Variants in FAM20A observed in about 807,000 individuals in gnomAD.
FAM20A encodes the protein FAM20A golgi associated secretory pathway pseudokinase.
FAM20A carries 42 observed loss-of-function variants against 52.0 expected under a neutral mutation model. That is an observed-to-expected ratio of 0.81 (90% CI 0.63 to 1.04). The LOEUF is 1.04. FAM20A is among the 50% of genes least tolerant of loss of function. The probability of loss-of-function intolerance (pLI) is 0.00; values close to 1 mark genes in which losing one functional copy is unlikely to be tolerated. For synonymous variants in FAM20A, 304 were observed against 298.9 expected, an observed-to-expected ratio of 1.02 and a Z score of -0.18; for missense variants, 742 against 712.7, an observed-to-expected ratio of 1.04 and a Z score of -0.47.
intron 4 of FAM20A, among the ~76,000 whole-genome samples, chr17:68,545,613 T>A (rs1226278905): frequency 3.3e-5 from 5 of 152,178 alleles, no homozygotes; most frequent in Admixed American, 1.3e-4. Flanking sequence ...TGGCAACTTT[T>A]AAAAATAAGA....
chr17:68,575,350 C>G (rs2087696549), intron 1 of FAM20A, among the ~76,000 whole-genome samples: 1 of 145,050 alleles, frequency 6.9e-6, no homozygotes, highest in Admixed American at 7.3e-5. Flanking sequence ...AGTTCAAGAC[C>G]AACCTGGCCA....
chr17:68,548,723 A>ATTT lies in FAM20A; in HGVS notation c.719+3149_719+3150insAAA, dbSNP rs200833117. Among the ~76,000 whole-genome samples the ATTT allele has an allele frequency of 8.6e-3, 1,013 of 117,742 alleles. 41 individuals carry two copies. Among genetic ancestry groups the ATTT allele is most frequent in the Non-Finnish European group, 0.012 (681 of 59,156 alleles). 77.2% of individuals were successfully genotyped at this position (117,742 alleles called of 152,430 possible). ...CGCAGATACAGCGAGCTATGCCTGT[A>ATTT]TATTTTTTTTTTTTTTTTTTTTTTT... On this transcript the variant is annotated intron_variant, in intron 4 of 10. Coordinates refer to ENST00000592554, the MANE Select transcript of FAM20A (RefSeq NM_017565.4).
At chr17:68,585,498 T>G (rs1388421632) in intron 1 of FAM20A, among the ~76,000 whole-genome samples, 4 of 152,158 alleles carry the variant, frequency 2.6e-5, no homozygotes, top group Non-Finnish European at 5.9e-5. Context: ...TAAATTATAC[T>G]TTAAGTTCTA....
intron 4 of FAM20A, among the ~76,000 whole-genome samples, chr17:68,546,568 C>A (rs554504956): frequency 1.3e-5 from 2 of 151,978 alleles, no homozygotes; most frequent in Non-Finnish European, 1.5e-5. Flanking sequence ...TGGTGGCTCG[C>A]GCCTATAATC....
At chr17:68,594,259 C>T (rs1598085420) in intron 1 of FAM20A, among the ~76,000 whole-genome samples, 1 of 152,044 alleles carries the variant, frequency 6.6e-6, no homozygotes, top group Non-Finnish European at 1.5e-5. Flanking sequence ...GTTAGCTGGG[C>T]GTAGTGGCGG....
rs1293202971 is a variant in FAM20A at position 68,558,656 on chromosome 17, A to G, written c.405-2913T>C. ...GCAGCATGCTTCCTGTACAGCCTGC[A>G]GAACCATGAGCCAATTACATCTTTT... On this transcript the variant is annotated intron_variant, in intron 1 of 10. Transcript: ENST00000592554. Among the ~76,000 whole-genome samples, 13 of 152,228 alleles carry G rather than the reference A, an allele frequency of 8.5e-5. 1 individual carries two copies. The highest frequency in any genetic ancestry group is 6.5e-5 in the Admixed American group (1 of 15,284).
chr17:68,541,141 G>T, intron 7 of FAM20A, 183 bp from the exon 8 acceptor site: 1 of 801,954 alleles, frequency 1.2e-6, no homozygotes, highest in South Asian at 1.8e-5. Context: ...TCCGTGTGGT[G>T]AGAAGGTCCT....
intron 1 of FAM20A, chr17:68,575,043 T>TA (rs2087687447): frequency 6.6e-6 from 1 of 151,976 alleles, no homozygotes; most frequent in Non-Finnish European, 1.5e-5. Flanking sequence ...GTACAACTAT[T>TA]ATGTATCAAT....
intron 5 of FAM20A, among the ~76,000 whole-genome samples, chr17:68,543,061 C>A (rs894448971): frequency 1.3e-5 from 2 of 152,176 alleles, no homozygotes; most frequent in African/African-American, 2.4e-5. Flanking sequence ...AACCTTCCCA[C>A]CATCCCAACT....
intron 1 of FAM20A, among the ~76,000 whole-genome samples, chr17:68,575,527 T>G (rs1272704859): frequency 2.8e-5 from 2 of 70,794 alleles, no homozygotes; most frequent in African/African-American, 1.4e-4. Context: ...ATATATTATA[T>G]AATATATATT....
Position 68,536,225 on chromosome 17 carries a change from A to C in FAM20A, c.*1252T>G. On this transcript the variant is annotated 3_prime_UTR_variant, in exon 11 of 11. Coordinates refer to ENST00000592554, the MANE Select transcript of FAM20A (RefSeq NM_017565.4). ...TCTTGACCTTGTACTCTCTTTAGTG[A>C]CAGCTCCATTCTATTCTCATGCTTA... 1 of 454,138 alleles carries C rather than the reference A, an allele frequency of 2.2e-6. No individual in the cohort carries two copies. Among genetic ancestry groups the C allele is most frequent in the Non-Finnish European group, 4.4e-6 (1 of 226,802 alleles). The allele number at this position is 454,138 out of a possible 1,614,324, so 28.1% of individuals were successfully genotyped here.
At chr17:68,575,085 C>T (rs2087689098) in intron 1 of FAM20A, 1 of 151,914 alleles carries the variant, frequency 6.6e-6, no homozygotes. Flanking sequence ...CTGGAGTCAC[C>T]AGAAGCTGAA....
chr17:68,542,809 C>A lies in FAM20A; in HGVS notation c.813G>T (p.Arg271Ser). ...NAEIAAFHLD[R>S]ILDFRRVPPT... ...GCGGCACCCGTCGGAAGTCCAGAAT[C>A]CTGCAAGAGAGGAAGCTCTGTTCCA... Residue 271 changes from arginine to serine, a missense_variant and splice_region_variant, in exon 6 of 11, where the codon AGG (arginine) becomes AGT (serine). Arg to Ser is a moderately radical substitution (Grantham distance 110). Transcript: ENST00000592554. 1 of 1,610,698 alleles carries A rather than the reference C, an allele frequency of 6.2e-7. No individual in the cohort carries two copies. Among genetic ancestry groups the A allele is most frequent in the Admixed American group, 1.7e-5 (1 of 60,008 alleles).
chr17:68,563,703 T>C (rs1356961539), intron 1 of FAM20A, among the ~76,000 whole-genome samples: 2 of 152,184 alleles, frequency 1.3e-5, no homozygotes, highest in Non-Finnish European at 2.9e-5. Flanking sequence ...CAGACTAATT[T>C]AGAGTTACTG....
Position 68,536,125 on chromosome 17 carries a change from C to T in FAM20A, c.*1352G>A, listed in dbSNP as rs921700001. On this transcript the variant is annotated 3_prime_UTR_variant, in exon 11 of 11. Coordinates refer to ENST00000592554, the MANE Select transcript of FAM20A (RefSeq NM_017565.4). The stretch of plus-strand genomic sequence containing the variant: ...GCATACCAGTCATGTGGGGGTACCA[C>T]GGGGTCAGAAGTGTTATTTGTCCAG... The T allele has an allele frequency of 1.3e-5, 6 of 453,950 alleles. No individual in the cohort carries two copies. The highest frequency in any genetic ancestry group is 6.8e-4 in the Middle Eastern group (1 of 1,466). 28.1% of individuals were successfully genotyped at this position (453,950 alleles called of 1,614,324 possible). A position where few individuals can be genotyped will look rare whatever the true frequency, so the allele number is the denominator to read the frequency against.
At position 68,562,611 on chromosome 17, in the gene FAM20A, TC is replaced by T. The variant is rs556263514; in HGVS notation, c.405-6869del. ...TCTCCCCATCTAGCATCCTTTTCCA[TC>T]CCCCCCCCTTTTTATTTTAAGCATT... On this transcript the variant is annotated intron_variant, in intron 1 of 10. Coordinates refer to ENST00000592554, the MANE Select transcript of FAM20A (RefSeq NM_017565.4). 1.1e-3 allele frequency among the ~76,000 whole-genome samples: 171 copies of T among 149,364 alleles called. 1 individual carries two copies. The South Asian group carries it at 0.011, about 10-fold the overall frequency.
chr17:68,566,559 T>G (rs990420837), intron 1 of FAM20A, among the ~76,000 whole-genome samples: 1 of 152,056 alleles, frequency 6.6e-6, no homozygotes, highest in African/African-American at 2.4e-5. Context: ...TCCCCAGGAG[T>G]TAGGCAATGC....
Position 68,600,341 on chromosome 17 carries a change from A to C in FAM20A, c.326T>G (p.Leu109Arg). ...PLYNVPEEPPLLGAEDSLLAS... is the reference protein window; with the variant it reads ...PLYNVPEEPPRLGAEDSLLAS... ...CAGGAGCGAGTCCTCGGCTCCCAGG[A>C]GAGGCGGCTCCTCCGGGACGTTGTA... Residue 109 changes from leucine (L) to arginine (R), a missense_variant, in exon 1 of 11, where the codon CTC (leucine) becomes CGC (arginine). Transcript: ENST00000592554. This position sits in a 1 kb window ranked among gnomAD's most constrained non-coding sequence, Gnocchi z 6.2. 1.3e-6 allele frequency: 2 copies of C among 1,598,652 alleles called. No individual in the cohort carries two copies. Among genetic ancestry groups the C allele is most frequent in the Non-Finnish European group, 1.7e-6 (2 of 1,173,420 alleles).
At position 68,575,832 on chromosome 17, in the gene FAM20A, A is replaced by ACACAC. The variant is rs1568768061; in HGVS notation, c.405-20090_405-20089insGTGTG. 8.9e-4 allele frequency among the ~76,000 whole-genome samples: 124 copies of ACACAC among 139,886 alleles called. 3 individuals carry two copies. In the East Asian group the frequency reaches 0.013, roughly 14 times the overall value. 91.8% of individuals were successfully genotyped at this position (139,886 alleles called of 152,430 possible). A position where few individuals can be genotyped will look rare whatever the true frequency, so the allele number is the denominator to read the frequency against. On this transcript the variant is annotated intron_variant, in intron 1 of 10. Coordinates refer to ENST00000592554, the MANE Select transcript of FAM20A (RefSeq NM_017565.4). ...CACACACACACACACACACACACAC[A>ACACAC]TAATCAGCCATTGGCAGTTACAGCT...
Sources: allele counts gnomAD v4.1 joint callset (sites outside exome capture counted in the v4.1 genomes callset), GRCh38; gene constraint gnomAD v4.1.1; non-coding constraint Gnocchi (gnomAD v3.1); transcripts MANE v1.5; gene names NCBI Gene and HGNC (gene_info 2026-07-23, HGNC 2026-07-21).